Variants in ZCCHC8 observed in about 807,000 individuals in gnomAD.
The protein encoded by ZCCHC8 is zinc finger CCHC-type containing 8, also known as zinc finger CCHC domain-containing protein 8.
A neutral mutation model predicts 70.6 loss-of-function variants in ZCCHC8; 27 were observed. The ratio of observed to expected loss-of-function variants is 0.38; its 90% CI spans 0.28 to 0.53. The LOEUF (loss-of-function observed/expected upper bound fraction) is 0.53, where lower values mean the gene tolerates loss of function less well. Among genes scored for constraint, ZCCHC8 ranks in the 20% least tolerant of loss-of-function variants. ZCCHC8 has a pLI of 0.81. For missense variants in ZCCHC8, 737 were observed against 876.9 expected (o/e 0.84, Z 2.01); for synonymous variants, 293 against 317.4 (o/e 0.92, Z 0.82).
At chr12:122,481,825 A>T in intron 9 of ZCCHC8, 120 bp downstream of exon 9, 1 of 1,400,766 alleles carries the variant, frequency 7.1e-7, no homozygotes, top group Non-Finnish European at 9.5e-7. Context: ...GAATTAATGT[A>T]TATTACCTAG....
intron 5 of ZCCHC8, among the ~76,000 whole-genome samples, chr12:122,486,377 C>T (rs987579207): frequency 7.7e-6 from 1 of 129,534 alleles, no homozygotes; most frequent in Non-Finnish European, 1.6e-5. Context: ...TGTGCCATGG[C>T]ACTCTAGCCT....
rs1957344773 is a variant in ZCCHC8 at position 122,473,053 on chromosome 12, C to T, written c.*444G>A. 2 of 157,818 alleles carry T rather than the reference C, an allele frequency of 1.3e-5. No homozygotes were observed. Among genetic ancestry groups the T allele is most frequent in the Non-Finnish European group, 2.8e-5 (2 of 71,402 alleles). The allele number at this position is 157,818 out of a possible 1,614,324, so 9.8% of individuals were successfully genotyped here. A position where few individuals can be genotyped will look rare whatever the true frequency, so the allele number is the denominator to read the frequency against. On this transcript the variant is annotated 3_prime_UTR_variant, in exon 14 of 14. Transcript: ENST00000633063. ...AAATACCCCAAATGGGATAAAGCTG[C>T]TCATCCCTGATTTTTCTCATTTGGT... is the stretch of plus-strand genomic sequence containing the variant.
At chr12:122,487,201 A>G (rs1449940740) in intron 5 of ZCCHC8, among the ~76,000 whole-genome samples, 2 of 152,158 alleles carry the variant, frequency 1.3e-5, no homozygotes, top group Non-Finnish European at 1.5e-5. Context: ...ATTTTTCTTC[A>G]GGGCACTACC....
At position 122,500,469 on chromosome 12, in the gene ZCCHC8, C is replaced by T; in HGVS notation, c.199+173G>A. On this transcript the variant is annotated intron_variant, in intron 1 of 13. Coordinates refer to ENST00000633063, the MANE Select transcript of ZCCHC8 (RefSeq NM_017612.5). This position sits in a 1 kb window ranked among gnomAD's most constrained non-coding sequence, Gnocchi z 4.8. ...GTCTGCGCCGAGGCAGCCTGCGCGCCCCGAACCCTAGACTCTCGGTCCGCC... is the reference window on the plus strand; with the variant it reads ...GTCTGCGCCGAGGCAGCCTGCGCGCTCCGAACCCTAGACTCTCGGTCCGCC... 1.1e-6 allele frequency: 1 copy of T among 891,280 alleles called. No homozygotes were observed. Among genetic ancestry groups the T allele is most frequent in the Non-Finnish European group, 1.6e-6 (1 of 606,154 alleles). The allele number at this position is 891,280 out of a possible 1,614,324, so 55.2% of individuals were successfully genotyped here.
chr12:122,476,937 G>A (rs1428240073), intron 13 of ZCCHC8, among the ~76,000 whole-genome samples: 5 of 151,444 alleles, frequency 3.3e-5, no homozygotes, highest in Non-Finnish European at 5.9e-5. Flanking sequence ...CAGGAGAATC[G>A]CTTGAACCTG....
In ZCCHC8 at chr12:122,500,708, C is replaced by T. The variant is rs760226500; in HGVS notation, c.133G>A (p.Gly45Ser). ...DGDEEDENGVGDAELRERLRQ... is the reference protein window; with the variant it reads ...DGDEEDENGVSDAELRERLRQ... ...AGCCGCTCCCGTAGCTCCGCGTCGC[C>T]GACCCCATTTTCGTCCTCCTCGTCG... The change falls in exon 1 of 14, where the codon GGC becomes AGC. Residue 45 changes from glycine to serine, a missense_variant. Gly to Ser is a moderately conservative substitution (Grantham distance 56). Transcript: ENST00000633063. The surrounding 1 kb of genome is among the most constrained non-coding windows in gnomAD (Gnocchi z 4.8). 16 of 1,582,800 alleles carry T rather than the reference C, an allele frequency of 1.0e-5. No individual in the cohort carries two copies. Among genetic ancestry groups the T allele is most frequent in the Non-Finnish European group, 1.3e-5 (15 of 1,165,056 alleles).
chr12:122,490,790 T>C (rs1957730008), intron 3 of ZCCHC8: 1 of 340,106 alleles, frequency 2.9e-6, no homozygotes, highest in East Asian at 4.6e-5. Flanking sequence ...GTGATTGGCA[T>C]AACAACTGCC....
intron 8 of ZCCHC8, chr12:122,482,315 CAATTT>C: frequency 2.2e-6 from 1 of 453,122 alleles, no homozygotes; most frequent in Non-Finnish European, 3.8e-6. Context: ...ATAAACTCTA[CAATTT>C]AATTCTCATG....
At position 122,500,765 on chromosome 12, in the gene ZCCHC8, G is replaced by A. The variant is rs1008499717; in HGVS notation, c.76C>T (p.Pro26Ser). Residue 26 changes from proline (P) to serine (S), a missense_variant, in exon 1 of 14, where the codon CCC (proline) becomes TCC (serine). Pro to Ser is a moderately conservative substitution (Grantham distance 74, BLOSUM62 -1). Coordinates refer to ENST00000633063, the MANE Select transcript of ZCCHC8 (RefSeq NM_017612.5). This position sits in a 1 kb window ranked among gnomAD's most constrained non-coding sequence, Gnocchi z 4.8. ...TCGTCCTTGAAGCGAGTGTGAACGG[G>A]CTTCGGAATCGACTCCTCTGGGTGG... ...FDHPEESIPKPVHTRFKDDDG... is the reference protein window; with the variant it reads ...FDHPEESIPKSVHTRFKDDDG... 51 of 1,590,182 alleles carry A rather than the reference G, an allele frequency of 3.2e-5. No homozygotes were observed. The highest frequency in any genetic ancestry group is 4.1e-5 in the Non-Finnish European group (48 of 1,168,844).
At chr12:122,475,574 CTT>C (rs533979002) in intron 13 of ZCCHC8, among the ~76,000 whole-genome samples, 3 of 152,206 alleles carry the variant, frequency 2.0e-5, no homozygotes, top group Non-Finnish European at 2.9e-5. Context: ...ATCCCCAGGT[CTT>C]TGGCTCTCTG....
In ZCCHC8 at chr12:122,473,393, A is replaced by T; in HGVS notation, c.*104T>A. On this transcript the variant is annotated 3_prime_UTR_variant, in exon 14 of 14. Coordinates refer to ENST00000633063, the MANE Select transcript of ZCCHC8 (RefSeq NM_017612.5). ...GAACATGAACCTTGGATAGATTTTT[A>T]AACATGGGAGGGACAAACAGGAAAA... The T allele has an allele frequency of 7.9e-7, 1 of 1,269,904 alleles. No individual in the cohort carries two copies. The highest frequency in any genetic ancestry group is 1.1e-6 in the Non-Finnish European group (1 of 932,958). The allele number at this position is 1,269,904 out of a possible 1,614,324, so 78.7% of individuals were successfully genotyped here.
At chr12:122,476,245 A>AG (rs1957414937) in intron 13 of ZCCHC8, among the ~76,000 whole-genome samples, 1 of 152,228 alleles carries the variant, frequency 6.6e-6, no homozygotes, top group Admixed American at 6.5e-5. Context: ...AGGGTCTAGT[A>AG]GGGGGTCTGA....
rs1957368118 is a variant in ZCCHC8, at chr12:122,474,053, T to G, written c.1568A>C (p.Gln523Pro). The G allele has an allele frequency of 1.3e-6, 2 of 1,526,204 alleles. No homozygotes were observed. Among genetic ancestry groups the G allele is most frequent in the Non-Finnish European group, 1.8e-6 (2 of 1,139,920 alleles). 94.5% of individuals were successfully genotyped at this position (1,526,204 alleles called of 1,614,324 possible). Residue 523 changes from glutamine to proline, a missense_variant, in exon 14 of 14, where the codon CAG (glutamine) becomes CCG (proline). Transcript: ENST00000633063. ...DALTLEELEEQQRRIWAALEQ... is the reference protein window; with the variant it reads ...DALTLEELEEPQRRIWAALEQ... ...AAGAGCTGCCCAGATCCGCCTCTGC[T>G]GTTCTTCAAGTTCTTCTAGAGTCAG... is the stretch of plus-strand genomic sequence containing the variant.
chr12:122,488,475 C>G (rs118089218), intron 5 of ZCCHC8, among the ~76,000 whole-genome samples: 1 of 151,968 alleles, frequency 6.6e-6, no homozygotes, highest in Non-Finnish European at 1.5e-5. Context: ...GCCACTGCAC[C>G]CAGCCTAAAA....
rs767700766 is a variant in ZCCHC8 at position 122,473,528 on chromosome 12, T to A, written c.2093A>T (p.Asn698Ile). Residue 698 changes from asparagine to isoleucine, a missense_variant, in exon 14 of 14, where the codon AAC becomes ATC. Asn to Ile is a moderately radical substitution (Grantham distance 149, BLOSUM62 -3). Transcript: ENST00000633063. ...IRSLLKNSPR[N>I]QQKNKKASE ...AGAGGCCTTTTTGTTTTTCTGCTGG[T>A]TTCGGGGTGAGTTCTTTAACAAGCT... The A allele has an allele frequency of 4.3e-6, 7 of 1,613,764 alleles. No homozygotes were observed. In the Admixed American group the frequency reaches 1.2e-4, roughly 27 times the overall value.
Position 122,473,500 on chromosome 12 carries a change from T to A in ZCCHC8, c.2121A>T (p.Glu707Asp). ...RNQQKNKKAS[E>D] ...CTCTCAGTGCTAAGTCAAGCCATTATTCAGAGGCCTTTTTGTTTTTCTGCT... is the reference window on the plus strand; with the variant it reads ...CTCTCAGTGCTAAGTCAAGCCATTAATCAGAGGCCTTTTTGTTTTTCTGCT... The change falls in exon 14 of 14, where the codon GAA becomes GAT. Residue 707 changes from glutamate (E) to aspartate (D), a missense_variant. Glu to Asp is a conservative substitution (Grantham distance 45, BLOSUM62 2). Transcript: ENST00000633063. 6.2e-7 allele frequency: 1 copy of A among 1,613,222 alleles called. No homozygotes were observed. Among genetic ancestry groups the A allele is most frequent in the Non-Finnish European group, 8.5e-7 (1 of 1,179,526 alleles).
At chr12:122,476,148 G>C (rs1382605462) in intron 13 of ZCCHC8, among the ~76,000 whole-genome samples, 1 of 152,228 alleles carries the variant, frequency 6.6e-6, no homozygotes, top group Non-Finnish European at 1.5e-5. Flanking sequence ...ACATTTATAT[G>C]AAAATGATGT....
Position 122,474,227 on chromosome 12 carries a change from T to G in ZCCHC8, c.1394A>C (p.Gln465Pro). ...GSQSSESFQF[Q>P]PPLPPDTPPL... ...AGGAGTGTCAGGAGGTAATGGTGGT[T>G]GAAACTGAAAACTTTCGCTGCTCTG... is the stretch of plus-strand genomic sequence containing the variant. The change falls in exon 14 of 14, where the codon CAA becomes CCA. Residue 465 changes from glutamine (Q) to proline (P), a missense_variant. Gln to Pro is a moderately conservative substitution (Grantham distance 76). Coordinates refer to ENST00000633063, the MANE Select transcript of ZCCHC8 (RefSeq NM_017612.5). 6.7e-7 allele frequency: 1 copy of G among 1,484,256 alleles called. No homozygotes were observed. Among genetic ancestry groups the G allele is most frequent in the Non-Finnish European group, 8.9e-7 (1 of 1,123,290 alleles). 91.9% of individuals were successfully genotyped at this position (1,484,256 alleles called of 1,614,324 possible). A position where few individuals can be genotyped will look rare whatever the true frequency, so the allele number is the denominator to read the frequency against.
chr12:122,495,986 G>A (rs927641046), intron 2 of ZCCHC8, among the ~76,000 whole-genome samples: 2 of 151,282 alleles, frequency 1.3e-5, no homozygotes, highest in Non-Finnish European at 2.9e-5. Flanking sequence ...TGGCAATTTG[G>A]CAAAACCCCA....
Sources: allele counts gnomAD v4.1 joint callset (sites outside exome capture counted in the v4.1 genomes callset), GRCh38; gene constraint gnomAD v4.1.1; non-coding constraint Gnocchi (gnomAD v3.1); transcripts MANE v1.5; gene names NCBI Gene and HGNC (gene_info 2026-07-23, HGNC 2026-07-21).